Variants in NANS observed in about 807,000 individuals in gnomAD.
NANS encodes N-acetylneuraminate synthase, also known as N-acetylneuraminate-9-phosphate synthase.
NANS carries 29 observed loss-of-function variants against 33.3 expected under a neutral mutation model. The observed-to-expected ratio is 0.87, with a 90% CI of 0.65 to 1.19. NANS has a LOEUF of 1.19. Ranked by LOEUF, NANS falls within the 50% of genes most tolerant of loss-of-function variation. The pLI, the probability that NANS is intolerant of heterozygous loss-of-function variation, is 0.00. For missense variants in NANS, 394 were observed against 461.1 expected, an observed-to-expected ratio of 0.85 and a Z score of 1.33; for synonymous variants, 163 against 177.2, an observed-to-expected ratio of 0.92 and a Z score of 0.64.
intron 2 of NANS, among the ~76,000 whole-genome samples, chr9:98,067,449 A>G (rs916627925): frequency 7.9e-5 from 12 of 152,144 alleles, no homozygotes; most frequent in Non-Finnish European, 1.6e-4. Flanking sequence ...TGGATGTGAC[A>G]TGGTGTCTCA....
intron 1 of NANS, among the ~76,000 whole-genome samples, chr9:98,059,451 G>C (rs924402567): frequency 3.9e-5 from 6 of 152,104 alleles, no homozygotes; most frequent in African/African-American, 1.4e-4. Flanking sequence ...GTCTCACTCT[G>C]TTGCTCAGGC....
At chr9:98,057,350 A>T (rs1828856653) in intron 1 of NANS, among the ~76,000 whole-genome samples, 1 of 152,250 alleles carries the variant, frequency 6.6e-6, no homozygotes, top group African/African-American at 2.4e-5. Flanking sequence ...GACATTCTTC[A>T]GCGACACAGA....
intron 4 of NANS, among the ~76,000 whole-genome samples, chr9:98,079,225 T>TA (rs2117989091): frequency 6.6e-6 from 1 of 152,362 alleles, no homozygotes; most frequent in South Asian, 2.1e-4. Context: ...CCTTTGTCTC[T>TA]TACTGTCTCA....
At chr9:98,070,250 T>C (rs981155279) in intron 2 of NANS, among the ~76,000 whole-genome samples, 9 of 152,170 alleles carry the variant, frequency 5.9e-5, no homozygotes, top group African/African-American at 2.2e-4. Flanking sequence ...CCCAAGTAGC[T>C]GGGACTACAG....
Position 98,062,604 on chromosome 9 carries a change from T to C in NANS, c.348+1607T>C, listed in dbSNP as rs889320949. 4.6e-5 allele frequency among the ~76,000 whole-genome samples: 7 copies of C among 152,304 alleles called. No individual in the cohort carries two copies. The East Asian group carries it at 5.8e-4, about 13-fold the overall frequency. On this transcript the variant is annotated intron_variant, in intron 2 of 5. Transcript: ENST00000210444. The stretch of plus-strand genomic sequence containing the variant: ...ATATTCTTGTTTTATTGCCTGCTGG[T>C]ACTATTTAGTGAACATCGAGTTCTG...
At chr9:98,077,272 T>C (rs886488612) in intron 3 of NANS, among the ~76,000 whole-genome samples, 1 of 152,168 alleles carries the variant, frequency 6.6e-6, no homozygotes, top group East Asian at 1.9e-4. Flanking sequence ...CAGAAACCTC[T>C]TTTCAATCAG....
chr9:98,076,843 T>C lies in NANS; in HGVS notation c.349-75T>C. The C allele has an allele frequency of 1.2e-5, 15 of 1,224,052 alleles. No homozygotes were observed. In the South Asian group the frequency reaches 2.0e-4, roughly 16 times the overall value. The allele number at this position is 1,224,052 out of a possible 1,614,324, so 75.8% of individuals were successfully genotyped here. On this transcript the variant is annotated intron_variant, in intron 2 of 5. Transcript: ENST00000210444. ...AAGATGAGGGGTTTTTCTACTTGTA[T>C]GTTATTCCTTGCCTGTCATAACAAC...
At chr9:98,073,927 C>T (rs1191543450) in intron 2 of NANS, among the ~76,000 whole-genome samples, 2 of 152,118 alleles carry the variant, frequency 1.3e-5, no homozygotes, top group East Asian at 3.9e-4. Flanking sequence ...GCTGGGACTG[C>T]AGGCACACAC....
chr9:98,078,405 CT>C, intron 4 of NANS, 58 bp downstream of exon 4: 1 of 1,556,558 alleles, frequency 6.4e-7, no homozygotes, highest in East Asian at 2.3e-5. Flanking sequence ...AAGGCGTAGT[CT>C]TTTTTATAAC....
At chr9:98,066,097 C>T (rs1488525363) in intron 2 of NANS, among the ~76,000 whole-genome samples, 2 of 152,190 alleles carry the variant, frequency 1.3e-5, no homozygotes, top group Non-Finnish European at 2.9e-5. Flanking sequence ...TTCCCCAGGA[C>T]ACAGTTTTTC....
rs150836210 is a variant in NANS, at chr9:98,071,931, G to A, written c.349-4987G>A. ...CAAGGCGGAGTCACTTCTTTAGGCC[G>A]TGCCCTGCAGGTGGCATCGGTTGAG... On this transcript the variant is annotated intron_variant, in intron 2 of 5. Coordinates refer to ENST00000210444, the MANE Select transcript of NANS (RefSeq NM_018946.4). 7.9e-5 allele frequency among the ~76,000 whole-genome samples: 12 copies of A among 152,378 alleles called. No homozygotes were observed. In the East Asian group the frequency reaches 1.9e-3, roughly 24 times the overall value.
chr9:98,082,941 T>G lies in NANS; in HGVS notation c.966T>G (p.Tyr322Ter). 6.2e-7 allele frequency: 1 copy of G among 1,614,162 alleles called. No homozygotes were observed. Among genetic ancestry groups the G allele is most frequent in the Non-Finnish European group, 8.5e-7 (1 of 1,180,038 alleles). Residue 322 changes from tyrosine (Y) to a stop codon, truncating the protein, a stop_gained, in exon 6 of 6, where the codon TAT (tyrosine) becomes TAG (stop). Transcript: ENST00000210444. LOFTEE classifies it high-confidence loss of function. ...LTVKVGEPKG[Y>*]PPEDIFNLVG... ...TGAAGGTGGGTGAGCCCAAAGGCTA[T>G]CCTCCTGAAGACATCTTTAATCTAG... is the stretch of plus-strand genomic sequence containing the variant.
At chr9:98,057,922 G>GTTTTTTTT (rs35104052) in intron 1 of NANS, among the ~76,000 whole-genome samples, 18 of 78,088 alleles carry the variant, frequency 2.3e-4, no homozygotes, top group East Asian at 3.3e-4. Context: ...TTTTTTCCTG[G>GTTTTTTTT]TTTTTTTTTT....
chr9:98,075,595 T>C (rs1212039166), intron 2 of NANS: 3 of 152,142 alleles, frequency 2.0e-5, no homozygotes, highest in Non-Finnish European at 4.4e-5. Flanking sequence ...AGGGAAAGAT[T>C]TGTGCCCATG....
intron 2 of NANS, 63 bp from the exon 3 acceptor site, chr9:98,076,855 C>T (rs1587923856): frequency 5.2e-6 from 7 of 1,337,796 alleles, no homozygotes; most frequent in African/African-American, 4.4e-5. Flanking sequence ...TTATTCCTTG[C>T]CTGTCATAAC....
At chr9:98,062,251 A>C (rs1016752189) in intron 2 of NANS, among the ~76,000 whole-genome samples, 2 of 151,200 alleles carry the variant, frequency 1.3e-5, no homozygotes, top group African/African-American at 4.9e-5. Flanking sequence ...ACAGTTCTGG[A>C]GTCCGCTCCT....
intron 4 of NANS, among the ~76,000 whole-genome samples, chr9:98,078,836 GA>G (rs11424970): frequency 0.032 from 3,936 of 122,982 alleles, 78 homozygotes; most frequent in Middle Eastern, 0.055. Flanking sequence ...CTCTCAGGGG[GA>G]AAAAAAAAAA....
chr9:98,059,445 C>T (rs1371217939), intron 1 of NANS, among the ~76,000 whole-genome samples: 1 of 152,102 alleles, frequency 6.6e-6, no homozygotes, highest in Non-Finnish European at 1.5e-5. Context: ...GTCAAGGTCT[C>T]ACTCTGTTGC....
rs11424970 is a variant in NANS, at chr9:98,078,836, G to GAAA, written c.603+505_603+507dup. ...GGTGACAGAGTGAGACTCTCAGGGG[G>GAAA]AAAAAAAAAAAAAAAAAAGTCTGTC... On this transcript the variant is annotated intron_variant, in intron 4 of 5. Coordinates refer to ENST00000210444, the MANE Select transcript of NANS (RefSeq NM_018946.4). Among the ~76,000 whole-genome samples, 61 of 122,992 alleles carry GAAA rather than the reference G, an allele frequency of 5.0e-4. 1 individual carries two copies. The highest frequency in any genetic ancestry group is 1.9e-3 in the East Asian group (8 of 4,180). The allele number at this position is 122,992 out of a possible 152,430, so 80.7% of individuals were successfully genotyped here.
Sources: gnomAD v4.1 joint callset for allele counts (sites outside exome capture counted in the v4.1 genomes callset) on GRCh38, gnomAD v4.1.1 for gene constraint, MANE v1.5 for transcripts, NCBI Gene and HGNC (gene_info 2026-07-23, HGNC 2026-07-21) for gene names.